Variants in GPR21 observed in about 807,000 individuals in gnomAD.
The protein encoded by GPR21 is probable G protein-coupled receptor 21.
Under a neutral mutation model 21.5 loss-of-function variants are expected in GPR21, and 9 were observed. The ratio of observed to expected loss-of-function variants is 0.42; its 90% confidence interval spans 0.25 to 0.73. GPR21 has a LOEUF of 0.73. Ranked by LOEUF, GPR21 falls within the 30% of genes least tolerant of loss-of-function variation. The pLI, the probability that GPR21 is intolerant of heterozygous loss-of-function variation, is 0.27. For missense variants in GPR21, 416 were observed against 428.9 expected (o/e 0.97, Z 0.27); for synonymous variants, 169 against 159.3 (o/e 1.06, Z -0.46).
chr9:123,042,767 A>T, the GPR21 span, among the ~76,000 whole-genome samples: 148,814 of 152,290 alleles, frequency 0.98, 72,807 homozygotes, highest in East Asian at 1. Context: ...GAAGAAATTA[A>T]TAAATATCAC....
At position 123,035,044 on chromosome 9, in the gene GPR21, G is replaced by T; in HGVS notation, c.478G>T (p.Val160Phe). ...IFLIWLYSTL[V>F]FLPSFFHWGK... Reference sequence around the variant, plus strand: ...CCTGATTTGGCTATACTCGACCCTGGTCTTCCTGCCTTCCTTTTTCCACTG... The same window carrying T: ...CCTGATTTGGCTATACTCGACCCTGTTCTTCCTGCCTTCCTTTTTCCACTG... The change falls in exon 2 of 2, where the codon GTC becomes TTC. Residue 160 changes from valine (V) to phenylalanine (F), a missense_variant. Physicochemically the swap from Val to Phe is conservative, Grantham distance 50. Transcript: ENST00000616002. The T allele has an allele frequency of 6.2e-7, 1 of 1,614,000 alleles. No individual in the cohort carries two copies. Among genetic ancestry groups the T allele is most frequent in the Non-Finnish European group, 8.5e-7 (1 of 1,179,950 alleles).
chr9:123,035,297 C>T lies in GPR21; in HGVS notation c.731C>T (p.Ala244Val), dbSNP rs777386833. 2 of 1,614,150 alleles carry T rather than the reference C, an allele frequency of 1.2e-6. No individual in the cohort carries two copies. The highest frequency in any genetic ancestry group is 2.2e-5 in the South Asian group (2 of 91,084). Residue 244 changes from alanine to valine, a missense_variant, in exon 2 of 2, where the codon GCC (alanine) becomes GTC (valine). Coordinates refer to ENST00000616002, the MANE Select transcript of GPR21 (RefSeq NM_005294.3). ...SQSGETGEVQ[A>V]CPDKRYAMVL... is the part of the protein sequence containing the mutation. Reference sequence around the variant, plus strand: ...AGTGGGGAGACTGGGGAAGTGCAGGCCTGTCCTGATAAGCGCTATGCCATG... The same window carrying T: ...AGTGGGGAGACTGGGGAAGTGCAGGTCTGTCCTGATAAGCGCTATGCCATG...
Position 123,034,677 on chromosome 9 carries a change from T to C in GPR21, c.111T>C (p.Phe37=), listed in dbSNP as rs752206999. 1 of 1,613,160 alleles carries C rather than the reference T, an allele frequency of 6.2e-7. No individual in the cohort carries two copies. Among genetic ancestry groups the C allele is most frequent in the African/African-American group, 1.3e-5 (1 of 74,926 alleles). ...FCLLEVLIIV[F]LTVLIISGNI... ...TTTTGGAAGTATTGATTATTGTCTT[T>C]CTAACTGTATTGATTATTTCTGGCA... The change falls in exon 2 of 2, where the codon TTT becomes TTC. Residue 37 remains phenylalanine (F), a synonymous_variant. Coordinates refer to ENST00000616002, the MANE Select transcript of GPR21 (RefSeq NM_005294.3).
At position 123,034,471 on chromosome 9, in the gene GPR21, C is replaced by T. The variant is rs941433973; in HGVS notation, c.-96C>T. On this transcript the variant is annotated 5_prime_UTR_variant, in exon 2 of 2. Coordinates refer to ENST00000616002, the MANE Select transcript of GPR21 (RefSeq NM_005294.3). ...AAGGCTCCTCTGGCATTATTACACA[C>T]ATGCAAAGCTGACCGCAATGACAGC... 5 of 751,318 alleles carry T rather than the reference C, an allele frequency of 6.7e-6. No homozygotes were observed. Among genetic ancestry groups the T allele is most frequent in the Non-Finnish European group, 1.1e-5 (5 of 445,026 alleles). 46.5% of individuals were successfully genotyped at this position (751,318 alleles called of 1,614,324 possible). A position where few individuals can be genotyped will look rare whatever the true frequency, so the allele number is the denominator to read the frequency against.
At position 123,035,195 on chromosome 9, in the gene GPR21, C is replaced by T. The variant is rs780019365; in HGVS notation, c.629C>T (p.Thr210Ile). The change falls in exon 2 of 2, where the codon ACC becomes ATC. Residue 210 changes from threonine to isoleucine, a missense_variant. By Grantham distance (89) the Thr-to-Ile change is moderately conservative. Transcript: ENST00000616002. ...YAPAALIVCF[T>I]YFNIFRICQQ... ...CCAGCAGCCCTTATTGTCTGCTTCA[C>T]CTATTTCAACATCTTCCGCATCTGC... 1 of 1,614,128 alleles carries T rather than the reference C, an allele frequency of 6.2e-7. No homozygotes were observed. The highest frequency in any genetic ancestry group is 8.5e-7 in the Non-Finnish European group (1 of 1,180,006).
the GPR21 span, among the ~76,000 whole-genome samples, chr9:123,047,498 T>A: frequency 9.2e-5 from 14 of 152,186 alleles, no homozygotes; most frequent in African/African-American, 3.1e-4. Flanking sequence ...TGGGATTATT[T>A]CCTATGTGCT....
downstream of GPR21, among the ~76,000 whole-genome samples, chr9:123,037,096 T>C (rs2032704925): frequency 6.6e-6 from 1 of 152,110 alleles, no homozygotes; most frequent in Admixed American, 6.6e-5. Context: ...GAGGTTGTAA[T>C]CTGAATGCGA....
the GPR21 span, among the ~76,000 whole-genome samples, chr9:123,047,952 T>TGCCCAGGC: frequency 8.9e-6 from 1 of 112,832 alleles, no homozygotes; most frequent in South Asian, 2.6e-4. Flanking sequence ...TTTTTTTTTT[T>TGCCCAGGC]TTTGAGACGG....
In GPR21 at chr9:123,035,287, G is replaced by C. The variant is rs780975233; in HGVS notation, c.721G>C (p.Glu241Gln). The C allele has an allele frequency of 3.7e-6, 6 of 1,614,046 alleles. No individual in the cohort carries two copies. In the African/African-American group the frequency reaches 5.3e-5, roughly 14 times the overall value. Residue 241 changes from glutamate (E) to glutamine (Q), a missense_variant, in exon 2 of 2, where the codon GAA (glutamate) becomes CAA (glutamine). Glu to Gln is a conservative substitution (Grantham distance 29). Transcript: ENST00000616002. ...CAGCAGCCAGAGTGGGGAGACTGGG[G>C]AAGTGCAGGCCTGTCCTGATAAGCG... ...RFSSQSGETG[E>Q]VQACPDKRYA...
At position 123,034,603 on chromosome 9, in the gene GPR21, C is replaced by CATT; in HGVS notation, c.37_38insATT (p.Pro13delinsHisSer). On this transcript the variant is annotated protein_altering_variant, in exon 2 of 2. Coordinates refer to ENST00000616002, the MANE Select transcript of GPR21 (RefSeq NM_005294.3). The stretch of plus-strand genomic sequence containing the variant: ...CTTGGATGGTAATCAGAGCAGCCAC[C>CATT]CTTTTTGCCTCTTGGCATTTGGCTA... 6.2e-7 allele frequency: 1 copy of CATT among 1,612,410 alleles called. No individual in the cohort carries two copies. The highest frequency in any genetic ancestry group is 1.1e-5 in the South Asian group (1 of 90,708).
the GPR21 span, among the ~76,000 whole-genome samples, chr9:123,046,538 A>G: frequency 7.2e-5 from 11 of 152,224 alleles, no homozygotes; most frequent in Admixed American, 5.9e-4. Flanking sequence ...GGCAAAGTAC[A>G]TAATCGTTCT....
At position 123,035,244 on chromosome 9, in the gene GPR21, C is replaced by A; in HGVS notation, c.678C>A (p.Ser226Arg). The change falls in exon 2 of 2, where the codon AGC becomes AGA. Residue 226 changes from serine to arginine, a missense_variant. Physicochemically the swap from Ser to Arg is moderately radical, Grantham distance 110. Transcript: ENST00000616002. ...RICQQHTKDI[S>R]ERQARFSSQS... ...GCCAACAGCACACAAAGGATATCAG[C>A]GAAAGGCAAGCCCGCTTCAGCAGCC... 4 of 1,614,160 alleles carry A rather than the reference C, an allele frequency of 2.5e-6. No individual in the cohort carries two copies. The highest frequency in any genetic ancestry group is 2.2e-5 in the East Asian group (1 of 44,878).
At chr9:123,039,497 A>G (rs2032847347), downstream of GPR21, among the ~76,000 whole-genome samples, 1 of 152,168 alleles carries the variant, frequency 6.6e-6, no homozygotes, top group Non-Finnish European at 1.5e-5. Flanking sequence ...ATTATAGGGC[A>G]GTGATGTTTG....
At position 123,034,630 on chromosome 9, in the gene GPR21, T is replaced by G; in HGVS notation, c.64T>G (p.Leu22Val). 6.2e-7 allele frequency: 1 copy of G among 1,613,976 alleles called. No individual in the cohort carries two copies. The highest frequency in any genetic ancestry group is 8.5e-7 in the Non-Finnish European group (1 of 1,179,858). Residue 22 changes from leucine (L) to valine (V), a missense_variant, in exon 2 of 2, where the codon TTG (leucine) becomes GTG (valine). Transcript: ENST00000616002. ...TTTTTGCCTCTTGGCATTTGGCTAT[T>G]TGGAAACTGTCAATTTTTGCCTTTT... is the stretch of plus-strand genomic sequence containing the variant. Reference protein sequence around the residue: ...HPFCLLAFGYLETVNFCLLEV... With the variant: ...HPFCLLAFGYVETVNFCLLEV...
downstream of GPR21, among the ~76,000 whole-genome samples, chr9:123,038,299 G>C (rs2032775665): frequency 6.6e-6 from 1 of 152,042 alleles, no homozygotes; most frequent in African/African-American, 2.4e-5. Flanking sequence ...TTCTTTTCAA[G>C]CCTTTTATAA....
chr9:123,043,010 T>C, the GPR21 span, among the ~76,000 whole-genome samples: 1 of 152,072 alleles, frequency 6.6e-6, no homozygotes, highest in African/African-American at 2.4e-5. Flanking sequence ...TAGAAGATAA[T>C]GGGTAATAGC....
the GPR21 span, among the ~76,000 whole-genome samples, chr9:123,043,678 A>G: frequency 6.6e-6 from 1 of 152,082 alleles, no homozygotes; most frequent in Non-Finnish European, 1.5e-5. Flanking sequence ...CTACAGTAGC[A>G]TCTTCCATAG....
Position 123,035,024 on chromosome 9 carries a change from T to G in GPR21, c.458T>G (p.Ile153Ser). The G allele has an allele frequency of 1.2e-6, 2 of 1,613,908 alleles. No homozygotes were observed. Among genetic ancestry groups the G allele is most frequent in the Non-Finnish European group, 1.7e-6 (2 of 1,179,802 alleles). ...AGACTACGCCTGTGTATTTTCCTGA[T>G]TTGGCTATACTCGACCCTGGTCTTC... Reference protein sequence around the residue: ...PWRLRLCIFLIWLYSTLVFLP... With the variant: ...PWRLRLCIFLSWLYSTLVFLP... The change falls in exon 2 of 2, where the codon ATT (isoleucine) becomes AGT (serine). Residue 153 changes from isoleucine (I) to serine (S), a missense_variant. By Grantham distance (142) the Ile-to-Ser change is moderately radical. Coordinates refer to ENST00000616002, the MANE Select transcript of GPR21 (RefSeq NM_005294.3).
At chr9:123,043,496 GA>G in the GPR21 span, among the ~76,000 whole-genome samples, 10 of 152,012 alleles carry the variant, frequency 6.6e-5, no homozygotes, top group Non-Finnish European at 1.3e-4. Flanking sequence ...AATAACTTCA[GA>G]AAAAAATAGA....
Sources: allele counts gnomAD v4.1 joint callset (sites outside exome capture counted in the v4.1 genomes callset), GRCh38; gene constraint gnomAD v4.1.1; transcripts MANE v1.5; gene names NCBI Gene and HGNC (gene_info 2026-07-23, HGNC 2026-07-21).